Variants in FMNL3 observed in about 807,000 individuals in gnomAD.
The protein encoded by FMNL3 is formin like 3, also known as formin-like protein 3.
Under a neutral mutation model 119.6 loss-of-function variants are expected in FMNL3, and 57 were observed. The observed-to-expected ratio is 0.48, with a 90% CI of 0.39 to 0.59. FMNL3 has a LOEUF of 0.59. Among genes scored for constraint, FMNL3 ranks in the 20% least tolerant of loss-of-function variants. The pLI, the probability that FMNL3 is intolerant of heterozygous loss-of-function variation, is 0.00. For synonymous variants in FMNL3, 491 were observed against 507.3 expected (o/e 0.97, Z 0.43); for missense variants, 1,053 against 1,323.5 (o/e 0.80, Z 3.17).
At chr12:49,657,316 G>A (rs1943602810) in intron 6 of FMNL3, 126 bp from the exon 7 acceptor site, 7 of 677,196 alleles carry the variant, frequency 1.0e-5, no homozygotes, top group Admixed American at 2.5e-5. Context: ...ATAGCACCTC[G>A]TACCAACAGC....
intron 14 of FMNL3, 69 bp downstream of exon 14, chr12:49,651,864 C>A: frequency 2.7e-6 from 4 of 1,468,978 alleles, no homozygotes; most frequent in Non-Finnish European, 9.0e-7. Context: ...GAGGAAGACA[C>A]TGCTGACTAC....
chr12:49,651,510 C>A, intron 14 of FMNL3, 60 bp from the exon 15 acceptor site: 1 of 1,301,446 alleles, frequency 7.7e-7, no homozygotes, highest in South Asian at 2.3e-5. Context: ...ATAGGCTTCC[C>A]TCCCCTCTGC....
In FMNL3 at chr12:49,666,091, G is replaced by A. The variant is rs367835573; in HGVS notation, c.291+36C>T. 1.2e-3 allele frequency: 1,986 copies of A among 1,599,960 alleles called. 2 individuals are homozygous for A. The highest frequency in any genetic ancestry group is 1.5e-3 in the Non-Finnish European group (1,794 of 1,168,224). ...CCCCAAACCCCACAGGACTATAAAG[G>A]GTGGCAAGACGGGGACTCTCTGCCT... On this transcript the variant is annotated intron_variant, in intron 3 of 25. Coordinates refer to ENST00000335154, the MANE Select transcript of FMNL3 (RefSeq NM_175736.5).
In FMNL3 at chr12:49,636,800, C is replaced by T; in HGVS notation, c.*9015G>A. 6.2e-7 allele frequency: 1 copy of T among 1,614,196 alleles called. No homozygotes were observed. Among genetic ancestry groups the T allele is most frequent in the Non-Finnish European group, 8.5e-7 (1 of 1,180,034 alleles). ...GAAGAGGAGGAGGAACGGGAGCGGGCCCGGCTTCGGGAGCGACGCCAACAA... is the reference window on the plus strand; with the variant it reads ...GAAGAGGAGGAGGAACGGGAGCGGGTCCGGCTTCGGGAGCGACGCCAACAA... On this transcript the variant is annotated 3_prime_UTR_variant, in exon 26 of 26. Transcript: ENST00000335154.
Position 49,643,169 on chromosome 12 carries a change from G to A in FMNL3, c.*2646C>T, listed in dbSNP as rs762089237. The A allele has an allele frequency of 1.2e-6, 2 of 1,603,238 alleles. No individual in the cohort carries two copies. The highest frequency in any genetic ancestry group is 1.7e-6 in the Non-Finnish European group (2 of 1,172,682). ...TCCTCTCTCGAATTCCCAGACGAGG[G>A]CTTCTGGAGGGCAGAGAACCTCTGC... On this transcript the variant is annotated 3_prime_UTR_variant, in exon 26 of 26. Transcript: ENST00000335154.
chr12:49,701,362 C>T (rs903247751), intron 1 of FMNL3, among the ~76,000 whole-genome samples: 1 of 152,122 alleles, frequency 6.6e-6, no homozygotes, highest in Admixed American at 6.6e-5. Context: ...CCTCTTCCAT[C>T]CTTTTAAAAA....
intron 5 of FMNL3, chr12:49,660,096 C>T (rs567609277): frequency 8.0e-6 from 2 of 250,730 alleles, no homozygotes; most frequent in African/African-American, 4.6e-5. Context: ...AGGGAAACAG[C>T]TTGCTGATTC....
At chr12:49,686,374 GACCAAT>G (rs1169684161) in intron 1 of FMNL3, among the ~76,000 whole-genome samples, 1 of 151,728 alleles carries the variant, frequency 6.6e-6, no homozygotes, top group African/African-American at 2.4e-5. Flanking sequence ...GAGGTTAGGA[GACCAAT>G]ACCATCCTAG....
At chr12:49,662,785 C>T (rs562235005) in intron 4 of FMNL3, among the ~76,000 whole-genome samples, 1 of 152,280 alleles carries the variant, frequency 6.6e-6, no homozygotes, top group South Asian at 2.1e-4. Context: ...GCATTATTTT[C>T]CCTTCTGCTT....
Position 49,647,114 on chromosome 12 carries a change from A to G in FMNL3, c.2872-105T>C, listed in dbSNP as rs1943226964. ...AGGATGCCACTGCTTGTGCACTGCTAGGAATCCCCAAAGGCCCTCCCTCCA... is the reference window on the plus strand; with the variant it reads ...AGGATGCCACTGCTTGTGCACTGCTGGGAATCCCCAAAGGCCCTCCCTCCA... On this transcript the variant is annotated intron_variant, in intron 24 of 25. Transcript: ENST00000335154. The surrounding 1 kb of genome is among the most constrained non-coding windows in gnomAD (Gnocchi z 4.9). 2 of 1,578,492 alleles carry G rather than the reference A, an allele frequency of 1.3e-6. No individual in the cohort carries two copies. Among genetic ancestry groups the G allele is most frequent in the South Asian group, 2.3e-5 (2 of 86,868 alleles).
Position 49,651,394 on chromosome 12 carries a change from C to T in FMNL3, c.1660G>A (p.Val554Met), listed in dbSNP as rs1419217449. ...TGGGGATACTCACCTGACAGGCCCA[C>T]TGTCAACACCACAGAGGGTGCAGCA... ...PGAAPSVVLTVGLSAIRIKKP... is the reference protein window; with the variant it reads ...PGAAPSVVLTMGLSAIRIKKP... Residue 554 changes from valine to methionine, a missense_variant, in exon 15 of 26, where the codon GTG becomes ATG. Physicochemically the swap from Val to Met is conservative, Grantham distance 21. This residue lies in a region of FMNL3 where 445 missense variants were observed against 628.4 expected (regional missense o/e 0.71). Coordinates refer to ENST00000335154, the MANE Select transcript of FMNL3 (RefSeq NM_175736.5). 1 of 1,557,234 alleles carries T rather than the reference C, an allele frequency of 6.4e-7. No homozygotes were observed. The highest frequency in any genetic ancestry group is 2.3e-5 in the East Asian group (1 of 43,990).
chr12:49,662,141 C>A lies in FMNL3; in HGVS notation c.369-92G>T, dbSNP rs1006049187. On this transcript the variant is annotated intron_variant, in intron 4 of 25. Coordinates refer to ENST00000335154, the MANE Select transcript of FMNL3 (RefSeq NM_175736.5). ...TGCCTCTGACCCAACACCTCCTCCT[C>A]CTGGAACCCAGCACCAGGCTAAGAA... 1.0e-5 allele frequency: 12 copies of A among 1,169,608 alleles called. No homozygotes were observed. The African/African-American group carries it at 1.8e-4, about 18-fold the overall frequency. The allele number at this position is 1,169,608 out of a possible 1,614,324, so 72.5% of individuals were successfully genotyped here.
Position 49,644,027 on chromosome 12 carries a change from C to T in FMNL3, c.*1788G>A. 1 of 1,614,136 alleles carries T rather than the reference C, an allele frequency of 6.2e-7. No homozygotes were observed. Among genetic ancestry groups the T allele is most frequent in the Non-Finnish European group, 8.5e-7 (1 of 1,180,002 alleles). On this transcript the variant is annotated 3_prime_UTR_variant, in exon 26 of 26. Coordinates refer to ENST00000335154, the MANE Select transcript of FMNL3 (RefSeq NM_175736.5). The stretch of plus-strand genomic sequence containing the variant: ...AAGGTGAGGGGCAGGGGCCCTAGGC[C>T]AGTCAGCACGCTGGTCAAGCTTCCA...
intron 1 of FMNL3, among the ~76,000 whole-genome samples, chr12:49,706,672 G>C (rs1023104917): frequency 2.6e-5 from 4 of 152,220 alleles, no homozygotes; most frequent in African/African-American, 7.2e-5. Context: ...AGCCGGCCGC[G>C]CTTCTGAATT....
rs943156553 is a variant in FMNL3, at chr12:49,636,813, G to A, written c.*9002C>T. On this transcript the variant is annotated 3_prime_UTR_variant, in exon 26 of 26. Coordinates refer to ENST00000335154, the MANE Select transcript of FMNL3 (RefSeq NM_175736.5). Reference sequence around the variant, plus strand: ...AACGGGAGCGGGCCCGGCTTCGGGAGCGACGCCAACAACGCAAGAATCGGG... The same window carrying A: ...AACGGGAGCGGGCCCGGCTTCGGGAACGACGCCAACAACGCAAGAATCGGG... The A allele has an allele frequency of 1.9e-6, 3 of 1,614,096 alleles. No homozygotes were observed. Among genetic ancestry groups the A allele is most frequent in the African/African-American group, 1.3e-5 (1 of 74,938 alleles).
At position 49,666,171 on chromosome 12, in the gene FMNL3, TGTAA is replaced by T. The variant is rs1271571468; in HGVS notation, c.243_246del (p.Tyr82PhefsTer12). 6.2e-7 allele frequency: 1 copy of T among 1,613,992 alleles called. No homozygotes were observed. Among genetic ancestry groups the T allele is most frequent in the Non-Finnish European group, 8.5e-7 (1 of 1,179,984 alleles). On this transcript the variant is annotated frameshift_variant, in exon 3 of 26. Coordinates refer to ENST00000335154, the MANE Select transcript of FMNL3 (RefSeq NM_175736.5). LOFTEE classifies it high-confidence loss of function. ...TCCAAGAAGCTCTGGAGTTTCTGAA[TGTAA>T]GTGTGGGGAGGATTCTTCACCTGGA...
chr12:49,695,792 C>T (rs1165689611), intron 1 of FMNL3, among the ~76,000 whole-genome samples: 1 of 151,078 alleles, frequency 6.6e-6, no homozygotes, highest in Non-Finnish European at 1.5e-5. Context: ...TATGAAATAT[C>T]CGAGCAGTCA....
chr12:49,684,237 CCT>C (rs747676792), intron 1 of FMNL3, among the ~76,000 whole-genome samples: 11 of 152,242 alleles, frequency 7.2e-5, no homozygotes, highest in African/African-American at 1.7e-4. Flanking sequence ...TATCTTGCCC[CCT>C]CTCTGTTTCT....
In FMNL3 at chr12:49,661,887, C is replaced by T. The variant is rs1453734666; in HGVS notation, c.452+79G>A. On this transcript the variant is annotated intron_variant, in intron 5 of 25. Transcript: ENST00000335154. ...ATTTCCATCTTCATTGTTGAACTCTCACCCTTCCTTATCAAAGTAGAATGG... is the reference window on the plus strand; with the variant it reads ...ATTTCCATCTTCATTGTTGAACTCTTACCCTTCCTTATCAAAGTAGAATGG... 5 of 1,322,390 alleles carry T rather than the reference C, an allele frequency of 3.8e-6. No individual in the cohort carries two copies. The African/African-American group carries it at 4.3e-5, about 11-fold the overall frequency. The allele number at this position is 1,322,390 out of a possible 1,614,324, so 81.9% of individuals were successfully genotyped here.
Sources: gnomAD v4.1 joint callset for allele counts (sites outside exome capture counted in the v4.1 genomes callset) on GRCh38, gnomAD v4.1.1 for gene constraint, gnomAD v4.1.1 regional missense constraint, Gnocchi (gnomAD v3.1) non-coding constraint, MANE v1.5 for transcripts, NCBI Gene and HGNC (gene_info 2026-07-23, HGNC 2026-07-21) for gene names.